GAK: variants seen among roughly 807,000 people sequenced by gnomAD.
GAK encodes cyclin-G-associated kinase.
A neutral mutation model predicts 143.9 loss-of-function variants in GAK; 79 were observed. The observed-to-expected ratio is 0.55, with a 90% CI of 0.46 to 0.66. The LOEUF (loss-of-function observed/expected upper bound fraction) is 0.66. GAK is among the 30% of genes least tolerant of loss of function. The probability of loss-of-function intolerance (pLI) is 0.00; values close to 1 mark genes in which losing one functional copy is unlikely to be tolerated. For missense variants in GAK, 1,693 were observed against 1,779.7 expected, an observed-to-expected ratio of 0.95 and a Z score of 0.88; for synonymous variants, 881 against 765.5, an observed-to-expected ratio of 1.15 and a Z score of -2.49.
chr4:931,270 T>C (rs1030085587), intron 1 of GAK, among the ~76,000 whole-genome samples: 3 of 152,202 alleles, frequency 2.0e-5, no homozygotes, highest in African/African-American at 7.2e-5. Context: ...CTGTCCACTC[T>C]GCAAGTTCTA....
intron 1 of GAK, among the ~76,000 whole-genome samples, chr4:925,781 T>C (rs963108776): frequency 6.6e-6 from 1 of 152,186 alleles, no homozygotes; most frequent in African/African-American, 2.4e-5. Context: ...GCCGGCGCCT[T>C]GCGCCTGGAC....
intron 25 of GAK, chr4:851,445 C>A: frequency 2.0e-6 from 1 of 509,886 alleles, no homozygotes; most frequent in Non-Finnish European, 3.5e-6. Flanking sequence ...CCACCTGCTG[C>A]CCCCGGGAAC....
intron 24 of GAK, among the ~76,000 whole-genome samples, chr4:855,043 C>CA (rs1235802967): frequency 7.9e-5 from 12 of 152,048 alleles, no homozygotes; most frequent in Admixed American, 3.3e-4. Flanking sequence ...GGCTCCATCT[C>CA]AAAAAAATAA....
At position 884,719 on chromosome 4, in the gene GAK, A is replaced by G. The variant is rs564963033; in HGVS notation, c.1206-633T>C. The stretch of plus-strand genomic sequence containing the variant: ...CAGGTTTATCCCACAATTCACTGGC[A>G]GCAGCAGCTGTGTAAGAATGGCCAA... On this transcript the variant is annotated intron_variant, in intron 11 of 27. Transcript: ENST00000314167. Among the ~76,000 whole-genome samples, 47 of 152,348 alleles carry G rather than the reference A, an allele frequency of 3.1e-4. No homozygotes were observed. The South Asian group carries it at 9.3e-3, about 30-fold the overall frequency.
intron 11 of GAK, among the ~76,000 whole-genome samples, chr4:885,056 C>T (rs1560355990): frequency 6.6e-6 from 1 of 151,970 alleles, no homozygotes. Context: ...CGTCTAAACC[C>T]ACCGAGCAGG....
intron 2 of GAK, 24 bp from the exon 3 acceptor site, chr4:912,818 A>G: frequency 2.5e-6 from 4 of 1,607,310 alleles, no homozygotes; most frequent in Non-Finnish European, 3.4e-6. Context: ...CAGCACACAC[A>G]AAAGATGAAA....
intron 20 of GAK, 62 bp from the exon 21 acceptor site, chr4:867,494 C>T (rs566165375): frequency 4.8e-6 from 6 of 1,237,522 alleles, no homozygotes; most frequent in Middle Eastern, 4.0e-4. Context: ...AGGGTCCCCA[C>T]GGCGCGTCCC....
chr4:902,071 C>T (rs1464378704), intron 5 of GAK, among the ~76,000 whole-genome samples: 2 of 152,124 alleles, frequency 1.3e-5, no homozygotes, highest in Non-Finnish European at 2.9e-5. Context: ...AACCCTGTCT[C>T]TACTAAAAGT....
chr4:871,735 G>A lies in GAK; in HGVS notation c.2055-831C>T, dbSNP rs368683881. 2.0e-3 allele frequency among the ~76,000 whole-genome samples: 303 copies of A among 152,090 alleles called. 11 individuals are homozygous for A. The South Asian group carries it at 0.059, about 29-fold the overall frequency. On this transcript the variant is annotated intron_variant, in intron 18 of 27. Transcript: ENST00000314167. ...GGCAGGGGTCAGCAGGGCCCGCCTTGGGGTGTTGGCCGCACGGGGAGGCAG... is the reference window on the plus strand; with the variant it reads ...GGCAGGGGTCAGCAGGGCCCGCCTTAGGGTGTTGGCCGCACGGGGAGGCAG...
At chr4:874,942 G>C (rs1713528899) in intron 18 of GAK, among the ~76,000 whole-genome samples, 1 of 152,148 alleles carries the variant, frequency 6.6e-6, no homozygotes, top group Non-Finnish European at 1.5e-5. Context: ...AGTCTGTTCT[G>C]CTGTGCCTAT....
chr4:867,691 C>A (rs1239313099), intron 20 of GAK, among the ~76,000 whole-genome samples: 1 of 152,144 alleles, frequency 6.6e-6, no homozygotes, highest in Non-Finnish European at 1.5e-5. Context: ...GCTGCAGGAA[C>A]ACCAGGGTCC....
At chr4:920,900 C>T (rs6826965) in intron 1 of GAK, among the ~76,000 whole-genome samples, 87,484 of 151,884 alleles carry the variant, frequency 0.58, 25,561 homozygotes, top group South Asian at 0.74. Context: ...CATAGGTGTT[C>T]GTTATGTTAC....
Position 898,104 on chromosome 4 carries a change from T to C in GAK, c.580A>G (p.Ser194Gly), listed in dbSNP as rs753267315. The C allele has an allele frequency of 4.3e-6, 7 of 1,614,114 alleles. No individual in the cohort carries two copies. The highest frequency in any genetic ancestry group is 1.1e-5 in the South Asian group (1 of 91,090). Residue 194 changes from serine to glycine, a missense_variant, in exon 6 of 28, where the codon AGT becomes GGT. This residue lies in a region of GAK where 871 missense variants were observed against 991.0 expected (regional missense o/e 0.88). Coordinates refer to ENST00000314167, the MANE Select transcript of GAK (RefSeq NM_005255.4). ...GGGTAGTGCGAGATGGTCGTGGCAC[T>C]GCCAAAGTCACACAGCTTAATGGTC... ...QGTIKLCDFG[S>G]ATTISHYPDY...
intron 4 of GAK, among the ~76,000 whole-genome samples, chr4:905,597 A>C (rs1173034216): frequency 6.7e-6 from 1 of 149,614 alleles, no homozygotes; most frequent in East Asian, 2.0e-4. Context: ...AGGCCACGTT[A>C]CGGACTCCGC....
chr4:879,839 A>T (rs1714731171), intron 15 of GAK, among the ~76,000 whole-genome samples: 1 of 151,726 alleles, frequency 6.6e-6, no homozygotes. Flanking sequence ...TGCTTGTTCT[A>T]CCCCACGCTT....
At position 882,842 on chromosome 4, in the gene GAK, C is replaced by T; in HGVS notation, c.1405-23G>A. On this transcript the variant is annotated intron_variant, in intron 13 of 27. Transcript: ENST00000314167. ...GACCTGTGGGGACAGGGCACGGTGG[C>T]ACGGACGGCAGAGGAGCCCCGCCCC... 7 of 1,602,488 alleles carry T rather than the reference C, an allele frequency of 4.4e-6. No homozygotes were observed. In the South Asian group the frequency reaches 5.5e-5, roughly 13 times the overall value.
chr4:860,991 T>C (rs1270927506), intron 23 of GAK, among the ~76,000 whole-genome samples: 2 of 152,214 alleles, frequency 1.3e-5, no homozygotes, highest in Non-Finnish European at 2.9e-5. Flanking sequence ...CATGATTGCA[T>C]CTGCTTTGGT....
Position 893,499 on chromosome 4 carries a change from A to C in GAK, c.878-10T>G. On this transcript the variant is annotated splice_polypyrimidine_tract_variant and intron_variant, in intron 8 of 27. Coordinates refer to ENST00000314167, the MANE Select transcript of GAK (RefSeq NM_005255.4). ...ACCTGCAGCATGGCGCCTGCAGCAG[A>C]AGCACAGCGCGCTCGGCCCCACGGT... The C allele has an allele frequency of 1.9e-6, 3 of 1,553,976 alleles. No homozygotes were observed. Among genetic ancestry groups the C allele is most frequent in the South Asian group, 1.2e-5 (1 of 84,200 alleles).
At position 893,336 on chromosome 4, in the gene GAK, A is replaced by G. The variant is rs767926384; in HGVS notation, c.990+41T>C. On this transcript the variant is annotated intron_variant, in intron 9 of 27. Transcript: ENST00000314167. ...TCTGGGGCTCATGTGTGCCTCCTTC[A>G]CCACTGCGGGGGATTTGGGGCTCAC... 6.6e-6 allele frequency: 9 copies of G among 1,354,770 alleles called. No individual in the cohort carries two copies. The East Asian group carries it at 2.4e-4, about 36-fold the overall frequency. The allele number at this position is 1,354,770 out of a possible 1,614,324, so 83.9% of individuals were successfully genotyped here.
Sources: gnomAD v4.1 joint callset for allele counts (sites outside exome capture counted in the v4.1 genomes callset) on GRCh38, gnomAD v4.1.1 for gene constraint, gnomAD v4.1.1 regional missense constraint, MANE v1.5 for transcripts, NCBI Gene and HGNC (gene_info 2026-07-23, HGNC 2026-07-21) for gene names.